CDH8: variants seen among roughly 807,000 people sequenced by gnomAD.
The protein encoded by CDH8 is cadherin 8, also known as cadherin-8.
Under a neutral mutation model 68.1 loss-of-function variants are expected in CDH8, and 17 were observed. That is an observed-to-expected ratio of 0.25 (90% confidence interval 0.17 to 0.37). The LOEUF is 0.37. CDH8 is among the 10% of genes least tolerant of loss of function. The pLI is 1.00. For synonymous variants in CDH8, 372 were observed against 365.1 expected (o/e 1.02, Z -0.21); for missense variants, 763 against 999.3 (o/e 0.76, Z 3.19).
chr16:62,028,729 A>G (rs1902254871), intron 1 of CDH8, among the ~76,000 whole-genome samples: 1 of 126,606 alleles, frequency 7.9e-6, no homozygotes, highest in Non-Finnish European at 1.6e-5. Context: ...AACCAGTATC[A>G]AGATCATCCT....
chr16:61,867,135 T>C (rs943330242), intron 3 of CDH8, among the ~76,000 whole-genome samples: 1 of 152,196 alleles, frequency 6.6e-6, no homozygotes, highest in Admixed American at 6.6e-5. Context: ...GAAAAAGGTT[T>C]AATTTCACAA....
At chr16:61,877,777 A>G (rs1413468393) in intron 3 of CDH8, among the ~76,000 whole-genome samples, 2 of 152,172 alleles carry the variant, frequency 1.3e-5, no homozygotes. Context: ...AAAAAGAGAA[A>G]ATGAATGCAC....
chr16:61,809,194 A>T (rs1961878873), intron 7 of CDH8, among the ~76,000 whole-genome samples: 1 of 152,158 alleles, frequency 6.6e-6, no homozygotes, highest in Non-Finnish European at 1.5e-5. Flanking sequence ...CTCAAAAAAA[A>T]AAAAGACTTT....
intron 3 of CDH8, among the ~76,000 whole-genome samples, chr16:61,871,762 T>TGACTAACA (rs1382183126): frequency 7.3e-6 from 1 of 137,606 alleles, no homozygotes; most frequent in African/African-American, 2.8e-5. Flanking sequence ...AAGCTAGTTC[T>TGACTAACA]GACTAACAGT....
intron 8 of CDH8, among the ~76,000 whole-genome samples, chr16:61,773,044 A>G (rs1960817731): frequency 6.6e-6 from 1 of 152,054 alleles, no homozygotes; most frequent in African/African-American, 2.4e-5. Flanking sequence ...TCAAAGGCAA[A>G]CATAATATCC....
chr16:61,695,422 T>C (rs1328790283), intron 10 of CDH8, among the ~76,000 whole-genome samples: 1 of 152,212 alleles, frequency 6.6e-6, no homozygotes, highest in Non-Finnish European at 1.5e-5. Context: ...TCAGTTTTAC[T>C]TGGGCCACCT....
intron 7 of CDH8, among the ~76,000 whole-genome samples, chr16:61,809,548 A>G (rs1961888992): frequency 6.6e-6 from 1 of 152,210 alleles, no homozygotes. Flanking sequence ...AAGTATACCT[A>G]TGTAACAAAC....
At chr16:61,679,598 T>C (rs1963975579) in intron 10 of CDH8, among the ~76,000 whole-genome samples, 1 of 152,034 alleles carries the variant, frequency 6.6e-6, no homozygotes, top group Admixed American at 6.6e-5. Flanking sequence ...ACAGATTTTA[T>C]CTCAAATGAT....
chr16:61,652,884 C>T lies in CDH8; in HGVS notation c.*724G>A, dbSNP rs1333292377. 7.9e-6 allele frequency: 12 copies of T among 1,524,652 alleles called. No homozygotes were observed. The highest frequency in any genetic ancestry group is 2.5e-5 in the East Asian group (1 of 40,484). The allele number at this position is 1,524,652 out of a possible 1,614,324, so 94.4% of individuals were successfully genotyped here. The stretch of plus-strand genomic sequence containing the variant: ...GTGGAAGAAGATGAAGAGGAGGGAA[C>T]GAGGAATCCTGCTTCTAGAAAACAA... On this transcript the variant is annotated 3_prime_UTR_variant, in exon 12 of 12. Transcript: ENST00000577390.
At chr16:62,001,975 A>C (rs1965900965) in intron 2 of CDH8, among the ~76,000 whole-genome samples, 1 of 152,146 alleles carries the variant, frequency 6.6e-6, no homozygotes, top group African/African-American at 2.4e-5. Context: ...AAGGTTGTTT[A>C]AAGAGTGAGT....
intron 2 of CDH8, among the ~76,000 whole-genome samples, chr16:61,992,001 A>T (rs1162203566): frequency 6.6e-6 from 1 of 151,588 alleles, no homozygotes; most frequent in Non-Finnish European, 1.5e-5. Context: ...TAATGTAGTG[A>T]ATCTATCCCC....
At chr16:61,936,253 A>G (rs1345925369) in intron 2 of CDH8, among the ~76,000 whole-genome samples, 1 of 152,172 alleles carries the variant, frequency 6.6e-6, no homozygotes, top group African/African-American at 2.4e-5. Flanking sequence ...TGGTAAGAGA[A>G]AAAAATAGCA....
intron 8 of CDH8, among the ~76,000 whole-genome samples, chr16:61,768,369 C>T (rs1344866): frequency 0.022 from 526 of 23,436 alleles, 7 homozygotes; most frequent in Middle Eastern, 0.094. Context: ...TCTCTCTCTC[C>T]CTTTCTCTCT....
intron 2 of CDH8, among the ~76,000 whole-genome samples, chr16:61,990,615 C>T (rs540983416): frequency 1.3e-5 from 2 of 152,064 alleles, no homozygotes; most frequent in African/African-American, 2.4e-5. Flanking sequence ...AGTTTGAGAC[C>T]AGCCTGATAA....
chr16:61,926,449 T>G (rs1034108664), intron 2 of CDH8, among the ~76,000 whole-genome samples: 9 of 152,148 alleles, frequency 5.9e-5, no homozygotes, highest in African/African-American at 2.2e-4. Context: ...ACCTTCAAAT[T>G]AACACCCTGA....
intron 8 of CDH8, among the ~76,000 whole-genome samples, chr16:61,760,722 G>A (rs931199002): frequency 2.0e-5 from 3 of 152,168 alleles, no homozygotes; most frequent in East Asian, 3.9e-4. Flanking sequence ...AGATAATATT[G>A]ACTATTTGTC....
At chr16:62,022,529 A>G (rs1179435103) in intron 1 of CDH8, among the ~76,000 whole-genome samples, 4 of 152,116 alleles carry the variant, frequency 2.6e-5, no homozygotes, top group Non-Finnish European at 5.9e-5. Context: ...AGCGTGGCAA[A>G]ATGTGTTTCT....
chr16:61,672,613 TC>T (rs1167076934), intron 10 of CDH8, among the ~76,000 whole-genome samples: 1 of 152,048 alleles, frequency 6.6e-6, no homozygotes, highest in Non-Finnish European at 1.5e-5. Context: ...TGCAAGATTA[TC>T]AGTTATCTCA....
chr16:61,963,847 C>T (rs1237922376), intron 2 of CDH8, among the ~76,000 whole-genome samples: 1 of 152,136 alleles, frequency 6.6e-6, no homozygotes, highest in African/African-American at 2.4e-5. Context: ...TGCTTAGAAA[C>T]ACACTTTTAA....
Sources: gnomAD v4.1 joint callset for allele counts (sites outside exome capture counted in the v4.1 genomes callset) on GRCh38, gnomAD v4.1.1 for gene constraint, MANE v1.5 for transcripts, NCBI Gene and HGNC (gene_info 2026-07-23, HGNC 2026-07-21) for gene names.